Variants in ZSWIM8 observed in about 807,000 individuals in gnomAD.
ZSWIM8 encodes the protein zinc finger SWIM-type containing 8.
Under a neutral mutation model 173.7 loss-of-function variants are expected in ZSWIM8, and 27 were observed. That is an observed-to-expected ratio of 0.16 (90% CI 0.11 to 0.21). The LOEUF (loss-of-function observed/expected upper bound fraction) is 0.21. Ranked by LOEUF, ZSWIM8 falls within the 10% of genes least tolerant of loss-of-function variation. The pLI, the probability that ZSWIM8 is intolerant of heterozygous loss-of-function variation, is 1.00. For synonymous variants in ZSWIM8, 958 were observed against 962.0 expected (o/e 1.00, Z 0.08); for missense variants, 1,627 against 2,428.8 (o/e 0.67, Z 6.94).
At position 73,789,652 on chromosome 10, in the gene ZSWIM8, C is replaced by G. The variant is rs1457701126; in HGVS notation, c.631-65C>G. On this transcript the variant is annotated intron_variant, in intron 4 of 25. Transcript: ENST00000604729. The surrounding 1 kb of genome is among the most constrained non-coding windows in gnomAD (Gnocchi z 6.8). The stretch of plus-strand genomic sequence containing the variant: ...CGCCTCGCCTACTCTGCCTCTCTGT[C>G]CCCCAGCTCCAGCTCCAGCAAACCT... The G allele has an allele frequency of 1.8e-5, 28 of 1,548,546 alleles. No individual in the cohort carries two copies. The highest frequency in any genetic ancestry group is 2.5e-5 in the Non-Finnish European group (28 of 1,141,064).
At position 73,789,530 on chromosome 10, in the gene ZSWIM8, C is replaced by T. The variant is rs1408501675; in HGVS notation, c.621C>T (p.Arg207=). The T allele has an allele frequency of 2.5e-6, 4 of 1,612,592 alleles. No individual in the cohort carries two copies. In the East Asian group the frequency reaches 8.9e-5, roughly 36 times the overall value. Residue 207 remains arginine (R), a synonymous_variant, in exon 4 of 26, where the codon CGC becomes CGT. Coordinates refer to ENST00000604729, the MANE Select transcript of ZSWIM8 (RefSeq NM_001367799.1). The surrounding 1 kb of genome is among the most constrained non-coding windows in gnomAD (Gnocchi z 6.8). ...ACGTCGTGGCACTCTGTCTCTTCCG[C>T]ATCCACAACGTGAGGCCCTCCCAAT... ...CTHVVALCLF[R]IHNASAVCLR...
chr10:73,787,501 A>G (rs1394360441), intron 1 of ZSWIM8, among the ~76,000 whole-genome samples: 1 of 152,192 alleles, frequency 6.6e-6, no homozygotes, highest in East Asian at 1.9e-4. Context: ...TCAGGTTAAA[A>G]TCTGGGAAAA....
Position 73,789,527 on chromosome 10 carries a change from C to T in ZSWIM8, c.618C>T (p.Phe206=). The T allele has an allele frequency of 6.2e-7, 1 of 1,612,816 alleles. No homozygotes were observed. The highest frequency in any genetic ancestry group is 8.5e-7 in the Non-Finnish European group (1 of 1,179,684). The change falls in exon 4 of 26, where the codon TTC becomes TTT. Residue 206 remains phenylalanine (F), a synonymous_variant. Coordinates refer to ENST00000604729, the MANE Select transcript of ZSWIM8 (RefSeq NM_001367799.1). The surrounding 1 kb of genome is among the most constrained non-coding windows in gnomAD (Gnocchi z 6.8). ...CCCACGTCGTGGCACTCTGTCTCTT[C>T]CGCATCCACAACGTGAGGCCCTCCC... ...WCTHVVALCL[F]RIHNASAVCL... is the part of the protein sequence containing the mutation.
In ZSWIM8 at chr10:73,789,779, G is replaced by A; in HGVS notation, c.693G>A (p.Gln231=). 1 of 1,610,394 alleles carries A rather than the reference G, an allele frequency of 6.2e-7. No homozygotes were observed. The highest frequency in any genetic ancestry group is 8.5e-7 in the Non-Finnish European group (1 of 1,178,412). ...CCCTGTCCCGGCTACAGAGGGACCA[G>A]CTGCAAAAGTTTGCTCAGTACCTCA... ...SESLSRLQRD[Q]LQKFAQYLIS... is the part of the protein sequence containing the mutation. Residue 231 remains glutamine, a synonymous_variant, in exon 5 of 26, where the codon CAG becomes CAA. Transcript: ENST00000604729. This position sits in a 1 kb window ranked among gnomAD's most constrained non-coding sequence, Gnocchi z 6.8.
chr10:73,800,178 G>T lies in ZSWIM8; in HGVS notation c.4825+8G>T. ...TGCCCACCAGTGTGGCCTGTGAGTT[G>T]TGGGGCCAGGGAACAGGTGAATGGA... On this transcript the variant is annotated splice_region_variant and intron_variant, in intron 22 of 25. Transcript: ENST00000604729. This position sits in a 1 kb window ranked among gnomAD's most constrained non-coding sequence, Gnocchi z 4.1. 1 of 1,613,470 alleles carries T rather than the reference G, an allele frequency of 6.2e-7. No homozygotes were observed. Among genetic ancestry groups the T allele is most frequent in the Non-Finnish European group, 8.5e-7 (1 of 1,179,800 alleles).
At position 73,791,271 on chromosome 10, in the gene ZSWIM8, C is replaced by T; in HGVS notation, c.1144-53C>T. 3 of 1,577,264 alleles carry T rather than the reference C, an allele frequency of 1.9e-6. No individual in the cohort carries two copies. Among genetic ancestry groups the T allele is most frequent in the Non-Finnish European group, 2.6e-6 (3 of 1,155,500 alleles). ...GCTGAAATGGACTCTGGGAGGGCTA[C>T]TCTGCCTTTCTCTGAGCTCTCAGGT... On this transcript the variant is annotated intron_variant, in intron 8 of 25. Transcript: ENST00000604729. The surrounding 1 kb of genome is among the most constrained non-coding windows in gnomAD (Gnocchi z 6.0).
rs891050868 is a variant in ZSWIM8, at chr10:73,791,672, ATCCT to A, written c.1320-179_1320-176del. On this transcript the variant is annotated intron_variant, in intron 9 of 25. Coordinates refer to ENST00000604729, the MANE Select transcript of ZSWIM8 (RefSeq NM_001367799.1). The surrounding 1 kb of genome is among the most constrained non-coding windows in gnomAD (Gnocchi z 6.0). ...CGAGTCCTTTTTCTGAGAGGCTTTC[ATCCT>A]TCCTTCCCCTAAATAACACCCACTT... 1.3e-5 allele frequency among the ~76,000 whole-genome samples: 2 copies of A among 152,132 alleles called. No individual in the cohort carries two copies. The highest frequency in any genetic ancestry group is 4.8e-5 in the African/African-American group (2 of 41,420).
intron 14 of ZSWIM8, among the ~76,000 whole-genome samples, chr10:73,795,134 G>A (rs2083578122): frequency 6.6e-6 from 1 of 151,968 alleles, no homozygotes; most frequent in Admixed American, 6.6e-5. Flanking sequence ...GTGTGCTATG[G>A]GTATTGGGTA....
rs1409707083 is a variant in ZSWIM8 at position 73,797,088 on chromosome 10, C to T, written c.3275-25C>T. The T allele has an allele frequency of 6.2e-7, 1 of 1,613,210 alleles. No individual in the cohort carries two copies. The highest frequency in any genetic ancestry group is 8.5e-7 in the Non-Finnish European group (1 of 1,179,502). On this transcript the variant is annotated intron_variant, in intron 16 of 25. Coordinates refer to ENST00000604729, the MANE Select transcript of ZSWIM8 (RefSeq NM_001367799.1). This position sits in a 1 kb window ranked among gnomAD's most constrained non-coding sequence, Gnocchi z 5.6. ...TGAGGTCCCCTTTCCTGGGCTCATC[C>T]CAGCGTCCTGTTTTCCTCACCTAGA...
rs988975838 is a variant in ZSWIM8, at chr10:73,796,651, T to A, written c.3034-123T>A. ...CAGGAGGTCATCCTGTGGTTGTAAG[T>A]GGGGAAGGCTCCCTGAGGATGTAGC... On this transcript the variant is annotated intron_variant, in intron 15 of 25. Transcript: ENST00000604729. The A allele has an allele frequency of 5.4e-5, 74 of 1,363,414 alleles. No homozygotes were observed. In the African/African-American group the frequency reaches 9.9e-4, roughly 18 times the overall value. 84.5% of individuals were successfully genotyped at this position (1,363,414 alleles called of 1,614,324 possible).
rs754337693 is a variant in ZSWIM8, at chr10:73,800,263, C to CT, written c.4826-32dup. 1.9e-6 allele frequency: 3 copies of CT among 1,612,418 alleles called. No homozygotes were observed. Among genetic ancestry groups the CT allele is most frequent in the South Asian group, 1.1e-5 (1 of 91,012 alleles). ...AATGTTCTTTGTCTCTCTTTGGGCTCTGAGTTCCTCACATGGCTCTCACCC... is the reference window on the plus strand; with the variant it reads ...AATGTTCTTTGTCTCTCTTTGGGCTCTTGAGTTCCTCACATGGCTCTCACCC... On this transcript the variant is annotated intron_variant, in intron 22 of 25. Coordinates refer to ENST00000604729, the MANE Select transcript of ZSWIM8 (RefSeq NM_001367799.1). The surrounding 1 kb of genome is among the most constrained non-coding windows in gnomAD (Gnocchi z 4.1).
chr10:73,789,090 C>T lies in ZSWIM8; in HGVS notation c.363-6C>T, dbSNP rs2083323009. On this transcript the variant is annotated splice_polypyrimidine_tract_variant and splice_region_variant and intron_variant, in intron 2 of 25. Transcript: ENST00000604729. This position sits in a 1 kb window ranked among gnomAD's most constrained non-coding sequence, Gnocchi z 6.8. ...GTTGTGGCTGTGTCCTCTTCTTCAC[C>T]CCCAGGCTGTATTCGTGCCTGGCCA... 3 of 1,613,646 alleles carry T rather than the reference C, an allele frequency of 1.9e-6. No individual in the cohort carries two copies. Among genetic ancestry groups the T allele is most frequent in the Non-Finnish European group, 2.5e-6 (3 of 1,179,698 alleles).
At chr10:73,793,447 T>G in intron 10 of ZSWIM8, 141 bp from the exon 11 acceptor site, 1 of 905,992 alleles carries the variant, frequency 1.1e-6, no homozygotes, top group Non-Finnish European at 1.6e-6. Context: ...GTGTCTGTCT[T>G]TCTAACCAGA....
In ZSWIM8 at chr10:73,786,102, G is replaced by C. The variant is rs777438068; in HGVS notation, c.208+16G>C. On this transcript the variant is annotated intron_variant, in intron 1 of 25. Coordinates refer to ENST00000604729, the MANE Select transcript of ZSWIM8 (RefSeq NM_001367799.1). ...AGAATGCGAGGTGAGAGTGAGCTGG[G>C]GGGAAGAGGAGCGGCAGGCCCTGCT... 2 of 1,540,422 alleles carry C rather than the reference G, an allele frequency of 1.3e-6. No homozygotes were observed. Among genetic ancestry groups the C allele is most frequent in the South Asian group, 2.4e-5 (2 of 83,820 alleles).
chr10:73,792,558 G>A lies in ZSWIM8; in HGVS notation c.2019G>A (p.Val673=), dbSNP rs370809547. ...ATACTTATGAAGAAGATGGTGGTGTGTACTTCTCGGAAGGGCCTGAGCCTC... is the reference window on the plus strand; with the variant it reads ...ATACTTATGAAGAAGATGGTGGTGTATACTTCTCGGAAGGGCCTGAGCCTC... ...PPDTYEEDGG[V]YFSEGPEPPT... The change falls in exon 10 of 26, where the codon GTG becomes GTA. Residue 673 remains valine (V), a synonymous_variant. Transcript: ENST00000604729. The surrounding 1 kb of genome is among the most constrained non-coding windows in gnomAD (Gnocchi z 4.3). 60 of 1,614,000 alleles carry A rather than the reference G, an allele frequency of 3.7e-5. No individual in the cohort carries two copies. In the African/African-American group the frequency reaches 4.5e-4, roughly 12 times the overall value.
chr10:73,794,590 G>A lies in ZSWIM8; in HGVS notation c.2859G>A (p.Glu953=). Residue 953 remains glutamate (E), a synonymous_variant, in exon 14 of 26, where the codon GAG becomes GAA. Transcript: ENST00000604729. The part of the protein sequence containing the change: ...SRPPSRNWNS[E]TPGDEELGFE... ...CCCCAAGTCGCAACTGGAACAGCGAGACACCTGGGGATGAGGAGCTTGGAT... is the reference window on the plus strand; with the variant it reads ...CCCCAAGTCGCAACTGGAACAGCGAAACACCTGGGGATGAGGAGCTTGGAT... 6.4e-7 allele frequency: 1 copy of A among 1,558,510 alleles called. No homozygotes were observed. The highest frequency in any genetic ancestry group is 8.7e-7 in the Non-Finnish European group (1 of 1,150,482).
Position 73,791,612 on chromosome 10 carries a change from G to A in ZSWIM8, c.1319+113G>A. 1.6e-6 allele frequency: 2 copies of A among 1,282,082 alleles called. No individual in the cohort carries two copies. The highest frequency in any genetic ancestry group is 2.1e-6 in the Non-Finnish European group (2 of 957,290). 79.4% of individuals were successfully genotyped at this position (1,282,082 alleles called of 1,614,324 possible). On this transcript the variant is annotated intron_variant, in intron 9 of 25. Coordinates refer to ENST00000604729, the MANE Select transcript of ZSWIM8 (RefSeq NM_001367799.1). This position sits in a 1 kb window ranked among gnomAD's most constrained non-coding sequence, Gnocchi z 6.0. The stretch of plus-strand genomic sequence containing the variant: ...ACCATGATTTTAGTCCTCGGGAAAC[G>A]GGAGGTGCTGAGCACTGGTGTTAGC...
In ZSWIM8 at chr10:73,792,486, C is replaced by T. The variant is rs529946566; in HGVS notation, c.1947C>T (p.Leu649=). 18 of 1,612,586 alleles carry T rather than the reference C, an allele frequency of 1.1e-5. 1 individual carries two copies. In the South Asian group the frequency reaches 2.0e-4, roughly 18 times the overall value. ...GFPESPPPCP[L]HGGSRGPSTF... ...CTGAGAGCCCTCCACCCTGTCCTCT[C>T]CACGGTGGCTCCCGAGGCCCTTCCA... is the stretch of plus-strand genomic sequence containing the variant. Residue 649 remains leucine, a synonymous_variant, in exon 10 of 26, where the codon CTC becomes CTT. Coordinates refer to ENST00000604729, the MANE Select transcript of ZSWIM8 (RefSeq NM_001367799.1). The surrounding 1 kb of genome is among the most constrained non-coding windows in gnomAD (Gnocchi z 4.3).
chr10:73,787,247 A>T (rs149182665), intron 1 of ZSWIM8, among the ~76,000 whole-genome samples: 2 of 152,144 alleles, frequency 1.3e-5, no homozygotes, highest in African/African-American at 4.8e-5. Context: ...CCCGGCATAT[A>T]TATCACTTTT....
Sources: allele counts gnomAD v4.1 joint callset (sites outside exome capture counted in the v4.1 genomes callset), GRCh38; gene constraint gnomAD v4.1.1; non-coding constraint Gnocchi (gnomAD v3.1); transcripts MANE v1.5; gene names NCBI Gene and HGNC (gene_info 2026-07-23, HGNC 2026-07-21).